Variants in SPACA1 observed in about 807,000 individuals in gnomAD.
The protein encoded by SPACA1 is sperm acrosome associated 1.
SPACA1 carries 17 observed loss-of-function variants against 32.6 expected under a neutral mutation model. That is an observed-to-expected ratio of 0.52 (90% CI 0.36 to 0.78). SPACA1 has a LOEUF of 0.78. SPACA1 is among the 30% of genes least tolerant of loss of function. SPACA1 has a pLI of 0.01. For missense variants in SPACA1, 363 were observed against 373.4 expected, an observed-to-expected ratio of 0.97 and a Z score of 0.23; for synonymous variants, 140 against 138.1, an observed-to-expected ratio of 1.01 and a Z score of -0.10.
chr6:88,054,065 C>A, intron 2 of SPACA1, 63 bp downstream of exon 2: 1 of 1,464,972 alleles, frequency 6.8e-7, no homozygotes. Context: ...AAGGTAAAAG[C>A]AGATAGTGTG....
intron 1 of SPACA1, among the ~76,000 whole-genome samples, chr6:88,050,708 CCATTA>C (rs1307119395): frequency 1.3e-5 from 2 of 152,174 alleles, no homozygotes; most frequent in African/African-American, 4.8e-5. Context: ...AATTCTTTCA[CCATTA>C]CATTATTTTT....
upstream of SPACA1, chr6:88,047,773 T>C: frequency 1.1e-6 from 1 of 883,556 alleles, no homozygotes; most frequent in Non-Finnish European, 1.7e-6. Context: ...CGGCAACCAT[T>C]GAGGCGTCAC....
upstream of SPACA1, among the ~76,000 whole-genome samples, chr6:88,047,518 G>T (rs1449131581): frequency 6.6e-6 from 1 of 152,196 alleles, no homozygotes; most frequent in Non-Finnish European, 1.5e-5. Context: ...AAGAAAGCAG[G>T]CAGGGTGAGC....
chr6:88,050,429 T>C (rs1170532205), intron 1 of SPACA1, among the ~76,000 whole-genome samples: 1 of 152,244 alleles, frequency 6.6e-6, no homozygotes, highest in Non-Finnish European at 1.5e-5. Context: ...TCATCATCAT[T>C]AGCATCCAAA....
At position 88,055,696 on chromosome 6, in the gene SPACA1, C is replaced by A. The variant is rs144821906; in HGVS notation, c.265+1694C>A. ...CATAAAATAACTGCTTTAAGCCGGG[C>A]GCGGTGGCTCACGCCTGTAATCCCA... is the stretch of plus-strand genomic sequence containing the variant. On this transcript the variant is annotated intron_variant, in intron 2 of 6. Coordinates refer to ENST00000237201, the MANE Select transcript of SPACA1 (RefSeq NM_030960.3). 6.7e-3 allele frequency among the ~76,000 whole-genome samples: 1,016 copies of A among 152,330 alleles called. 6 individuals are homozygous for A. Among genetic ancestry groups the A allele is most frequent in the Admixed American group, 0.016 (245 of 15,304 alleles).
intron 4 of SPACA1, 27 bp from the exon 5 acceptor site, chr6:88,059,426 C>A: frequency 6.4e-7 from 1 of 1,552,332 alleles, no homozygotes; most frequent in Non-Finnish European, 8.7e-7. Context: ...AATGTTGATA[C>A]TTTGTTATTT....
rs988602287 is a variant in SPACA1, at chr6:88,064,520, T to C, written c.731+301T>C. On this transcript the variant is annotated intron_variant, in intron 6 of 6. Coordinates refer to ENST00000237201, the MANE Select transcript of SPACA1 (RefSeq NM_030960.3). ...TTTTATTTAATGAATATTTGTGTTGTCCAGTTGTGGTTCTCTCAACTCTAA... is the reference window on the plus strand; with the variant it reads ...TTTTATTTAATGAATATTTGTGTTGCCCAGTTGTGGTTCTCTCAACTCTAA... 5.3e-5 allele frequency: 9 copies of C among 169,476 alleles called. No individual in the cohort carries two copies. The South Asian group carries it at 1.5e-3, about 28-fold the overall frequency. The allele number at this position is 169,476 out of a possible 1,614,324, so 10.5% of individuals were successfully genotyped here.
chr6:88,057,110 C>T (rs775181591), intron 2 of SPACA1, among the ~76,000 whole-genome samples: 26 of 151,934 alleles, frequency 1.7e-4, no homozygotes, highest in Non-Finnish European at 3.1e-4. Context: ...ATCAAATCCA[C>T]GAATTTATGG....
Position 88,059,629 on chromosome 6 carries a change from C to T in SPACA1, c.610+41C>T, listed in dbSNP as rs771298900. Reference sequence around the variant, plus strand: ...TGTCTTGGTTTGCTTATATGCCAATCTTTAAAGAGCATTAAAATCACTTAG... The same window carrying T: ...TGTCTTGGTTTGCTTATATGCCAATTTTTAAAGAGCATTAAAATCACTTAG... On this transcript the variant is annotated intron_variant, in intron 5 of 6. Transcript: ENST00000237201. 12 of 1,553,292 alleles carry T rather than the reference C, an allele frequency of 7.7e-6. No individual in the cohort carries two copies. In the African/African-American group the frequency reaches 1.2e-4, roughly 16 times the overall value.
In SPACA1 at chr6:88,066,535, C is replaced by T. The variant is rs1430248342; in HGVS notation, c.*200C>T. 2.7e-6 allele frequency: 1 copy of T among 364,720 alleles called. No individual in the cohort carries two copies. The highest frequency in any genetic ancestry group is 2.1e-5 in the African/African-American group (1 of 47,750). 22.6% of individuals were successfully genotyped at this position (364,720 alleles called of 1,614,324 possible). A position where few individuals can be genotyped will look rare whatever the true frequency, so the allele number is the denominator to read the frequency against. On this transcript the variant is annotated 3_prime_UTR_variant, in exon 7 of 7. Transcript: ENST00000237201. ...TCAAATATTACTTTTAATTTGTTCT[C>T]AACACTTATTTCAGGTAATAGCTTG...
chr6:88,047,798 T>C, upstream of SPACA1: 1 of 1,117,818 alleles, frequency 8.9e-7, no homozygotes, highest in African/African-American at 1.6e-5. Context: ...CGTCACGGGA[T>C]TCGGAGCCGG....
At chr6:88,064,961 T>A (rs1203702204) in intron 6 of SPACA1, among the ~76,000 whole-genome samples, 1 of 148,532 alleles carries the variant, frequency 6.7e-6, no homozygotes, top group Non-Finnish European at 1.5e-5. Flanking sequence ...TATTACCTCA[T>A]ATCTAAGAAG....
intron 3 of SPACA1, 40 bp downstream of exon 3, chr6:88,057,753 A>C (rs1459253195): frequency 6.4e-7 from 1 of 1,558,074 alleles, no homozygotes; most frequent in African/African-American, 1.4e-5. Context: ...TGTGGGCAAG[A>C]GTTTACTCTG....
intron 1 of SPACA1, among the ~76,000 whole-genome samples, chr6:88,051,008 G>A (rs892559695): frequency 6.6e-6 from 1 of 152,028 alleles, no homozygotes; most frequent in Non-Finnish European, 1.5e-5. Flanking sequence ...TTAGCCGGGC[G>A]TGGTTGCGTG....
chr6:88,047,935 C>G lies in SPACA1; in HGVS notation c.30C>G (p.Ala10=). The G allele has an allele frequency of 2.6e-6, 4 of 1,564,952 alleles. No homozygotes were observed. Among genetic ancestry groups the G allele is most frequent in the Non-Finnish European group, 3.5e-6 (4 of 1,155,740 alleles). ...GCCCCAGGGGCACGGGCTGCTCCGC[C>G]GGGCTGCTGATGACTGTCGGCTGGC... The part of the protein sequence containing the change: MSPRGTGCS[A]GLLMTVGWLL... Residue 10 remains alanine (A), a synonymous_variant, in exon 1 of 7, where the codon GCC becomes GCG. Transcript: ENST00000237201.
Position 88,059,495 on chromosome 6 carries a change from C to G in SPACA1, c.517C>G (p.Arg173Gly). The change falls in exon 5 of 7, where the codon CGC (arginine) becomes GGC (glycine). Residue 173 changes from arginine (R) to glycine (G), a missense_variant. By Grantham distance (125) the Arg-to-Gly change is moderately radical. Transcript: ENST00000237201. ...LVNDSAILEV[R>G]KESHPLAFEC... Reference sequence around the variant, plus strand: ...AAATGATTCAGCAATCCTAGAAGTACGCAAGGAAAGTCACCCCTTGGCTTT... The same window carrying G: ...AAATGATTCAGCAATCCTAGAAGTAGGCAAGGAAAGTCACCCCTTGGCTTT... 1 of 1,612,798 alleles carries G rather than the reference C, an allele frequency of 6.2e-7. No homozygotes were observed. Among genetic ancestry groups the G allele is most frequent in the East Asian group, 2.2e-5 (1 of 44,802 alleles).
chr6:88,059,078 A>G (rs768092744), intron 4 of SPACA1, among the ~76,000 whole-genome samples: 10 of 152,232 alleles, frequency 6.6e-5, no homozygotes, highest in Non-Finnish European at 1.2e-4. Context: ...TTCGGAAGGA[A>G]GGTTTTCATT....
At chr6:88,049,675 AC>A (rs1298312136) in intron 1 of SPACA1, among the ~76,000 whole-genome samples, 1 of 152,168 alleles carries the variant, frequency 6.6e-6, no homozygotes, top group Non-Finnish European at 1.5e-5. Flanking sequence ...GATAGTGAAA[AC>A]AACTGTGTTA....
intron 1 of SPACA1, among the ~76,000 whole-genome samples, chr6:88,048,585 G>T (rs1775681593): frequency 6.6e-6 from 1 of 152,008 alleles, no homozygotes; most frequent in Non-Finnish European, 1.5e-5. Flanking sequence ...CGACAAAACT[G>T]CCCAGAAGCC....
Sources: gnomAD v4.1 joint callset for allele counts (sites outside exome capture counted in the v4.1 genomes callset) on GRCh38, gnomAD v4.1.1 for gene constraint, MANE v1.5 for transcripts, NCBI Gene and HGNC (gene_info 2026-07-23, HGNC 2026-07-21) for gene names.